MED13: variants seen among roughly 807,000 people sequenced by gnomAD.
MED13 encodes the protein mediator complex subunit 13, also known as mediator of RNA polymerase II transcription subunit 13.
MED13 carries 23 observed loss-of-function variants against 225.2 expected under a neutral mutation model. The ratio of observed to expected loss-of-function variants is 0.10; its 90% CI spans 0.07 to 0.14. MED13 has a LOEUF of 0.14. Ranked by LOEUF, MED13 falls within the 10% of genes least tolerant of loss-of-function variation. The pLI, the probability that MED13 is intolerant of heterozygous loss-of-function variation, is 1.00. For synonymous variants in MED13, 942 were observed against 889.2 expected (o/e 1.06, Z -1.06); for missense variants, 2,197 against 2,594.5 (o/e 0.85, Z 3.33).
intron 17 of MED13, among the ~76,000 whole-genome samples, chr17:61,970,349 T>C (rs1181162153): frequency 6.6e-6 from 1 of 152,034 alleles, no homozygotes; most frequent in Non-Finnish European, 1.5e-5. Context: ...AGGCAAGGCT[T>C]TGGGAAAACA....
In MED13 at chr17:61,943,648, G is replaced by T. The variant is rs1037977752; in HGVS notation, c.*2820C>A. The T allele has an allele frequency of 1.3e-5, 2 of 152,548 alleles. No individual in the cohort carries two copies. Among genetic ancestry groups the T allele is most frequent in the African/African-American group, 2.4e-5 (1 of 41,446 alleles). 9.4% of individuals were successfully genotyped at this position (152,548 alleles called of 1,614,324 possible). A position where few individuals can be genotyped will look rare whatever the true frequency, so the allele number is the denominator to read the frequency against. ...AGGATTACATATAAGTACACTTGGT[G>T]GCCTTCTGGCCAAACAATAAGGTGT... On this transcript the variant is annotated 3_prime_UTR_variant, in exon 30 of 30. Transcript: ENST00000397786.
chr17:62,043,184 AGAAAG>A (rs1567997804), intron 3 of MED13, among the ~76,000 whole-genome samples: 5 of 120,394 alleles, frequency 4.2e-5, no homozygotes, highest in African/African-American at 1.5e-4. Flanking sequence ...AAAAAAAAAA[AGAAAG>A]AAAGAAAGAA....
rs2080500746 is a variant in MED13, at chr17:62,010,824, T to C, written c.1693A>G (p.Thr565Ala). The C allele has an allele frequency of 6.2e-7, 1 of 1,614,240 alleles. No homozygotes were observed. Among genetic ancestry groups the C allele is most frequent in the South Asian group, 1.1e-5 (1 of 91,090 alleles). ...PQSQHFYQMPTPDPLVPSKPM... is the reference protein window; with the variant it reads ...PQSQHFYQMPAPDPLVPSKPM... The stretch of plus-strand genomic sequence containing the variant: ...TTAGAAGGAACCAAGGGATCTGGTG[T>C]TGGCATTTGATAAAAATGTTGACTC... Residue 565 changes from threonine (T) to alanine (A), a missense_variant, in exon 9 of 30, where the codon ACA becomes GCA. Physicochemically the swap from Thr to Ala is moderately conservative, Grantham distance 58. Around this residue, in one of 12 missense-constraint regions of MED13, gnomAD observed 884 missense variants for 918.5 expected, o/e 0.96. Transcript: ENST00000397786.
intron 2 of MED13, among the ~76,000 whole-genome samples, chr17:62,055,758 G>A (rs754549400): frequency 1.3e-5 from 2 of 151,934 alleles, no homozygotes; most frequent in African/African-American, 4.8e-5. Flanking sequence ...GGTGGCAGAG[G>A]CTGCAGTAAA....
At chr17:62,045,925 AAT>A (rs2080893600) in intron 3 of MED13, among the ~76,000 whole-genome samples, 1 of 152,174 alleles carries the variant, frequency 6.6e-6, no homozygotes, top group African/African-American at 2.4e-5. Flanking sequence ...ATTATCAGAA[AAT>A]GAGATTTTTT....
chr17:61,967,213 GC>G (rs1229292113), intron 18 of MED13, among the ~76,000 whole-genome samples: 2 of 152,074 alleles, frequency 1.3e-5, no homozygotes, highest in East Asian at 1.9e-4. Context: ...GAATTTCAAA[GC>G]CTTTAAAAAC....
At chr17:61,979,956 A>T (rs753167387) in intron 16 of MED13, among the ~76,000 whole-genome samples, 12 of 152,186 alleles carry the variant, frequency 7.9e-5, no homozygotes, top group Admixed American at 2.0e-4. Flanking sequence ...TGGGAGGCCG[A>T]GGCAGGTGGA....
chr17:61,993,850 G>C (rs1165080392), intron 10 of MED13, among the ~76,000 whole-genome samples: 1 of 151,768 alleles, frequency 6.6e-6, no homozygotes, highest in Non-Finnish European at 1.5e-5. Flanking sequence ...AGAATCACTT[G>C]AATCAGGGAG....
At position 62,011,385 on chromosome 17, in the gene MED13, T is replaced by A. The variant is rs2080507625; in HGVS notation, c.1284-152A>T. 11 of 737,908 alleles carry A rather than the reference T, an allele frequency of 1.5e-5. No homozygotes were observed. The East Asian group carries it at 3.0e-4, about 20-fold the overall frequency. 45.7% of individuals were successfully genotyped at this position (737,908 alleles called of 1,614,324 possible). On this transcript the variant is annotated intron_variant, in intron 8 of 29. Transcript: ENST00000397786. Reference sequence around the variant, plus strand: ...ATTTGAATTTGAAAGGGGAAAAAAATACTTTGCTCGTGACCTAAATAAAAT... The same window carrying A: ...ATTTGAATTTGAAAGGGGAAAAAAAAACTTTGCTCGTGACCTAAATAAAAT...
At chr17:62,049,078 C>CAAAA (rs890393330) in intron 3 of MED13, among the ~76,000 whole-genome samples, 483 of 45,284 alleles carry the variant, frequency 0.011, 4 homozygotes, top group Middle Eastern at 0.016. Flanking sequence ...GTAAATAAGA[C>CAAAA]AAAAAAAAAA....
chr17:62,029,362 A>G (rs755380750), intron 8 of MED13, 179 bp downstream of exon 8: 2 of 579,120 alleles, frequency 3.5e-6, no homozygotes, highest in Non-Finnish European at 6.1e-6. Context: ...CTGAAAGCTT[A>G]TATTTACATG....
intron 2 of MED13, among the ~76,000 whole-genome samples, chr17:62,054,453 T>C (rs1454810442): frequency 6.6e-6 from 1 of 152,224 alleles, no homozygotes; most frequent in African/African-American, 2.4e-5. Context: ...CATTCTATTA[T>C]ATCAAAGACA....
intron 11 of MED13, among the ~76,000 whole-genome samples, chr17:61,989,014 C>CTT (rs544084944): frequency 2.8e-5 from 4 of 141,660 alleles, no homozygotes; most frequent in Non-Finnish European, 4.6e-5. Flanking sequence ...ATGAATCCAG[C>CTT]TTTTTTTTTT....
intron 3 of MED13, among the ~76,000 whole-genome samples, chr17:62,043,156 C>CAAAAAAAAAAAAAAAAAAA (rs764530614): frequency 4.4e-4 from 14 of 31,670 alleles, no homozygotes; most frequent in East Asian, 2.0e-3. Context: ...ACCCTGTCTC[C>CAAAAAAAAAAAAAAAAAAA]AAAAAAAAAA....
intron 15 of MED13, 69 bp downstream of exon 15, chr17:61,984,102 G>A: frequency 8.5e-7 from 1 of 1,173,182 alleles, no homozygotes; most frequent in Non-Finnish European, 1.1e-6. Context: ...AGCATACCAG[G>A]TAAATCTATG....
intron 10 of MED13, among the ~76,000 whole-genome samples, chr17:61,993,948 CA>C (rs111448799): frequency 0.34 from 48,574 of 144,790 alleles, 13,382 homozygotes; most frequent in African/African-American, 0.76. Context: ...AACAAACAAA[CA>C]AAAAAAAAAA....
At chr17:61,961,150 TA>T (rs1387920617) in intron 22 of MED13, 60 bp from the exon 23 acceptor site, 48 of 1,309,392 alleles carry the variant, frequency 3.7e-5, no homozygotes, top group Non-Finnish European at 5.0e-5. Flanking sequence ...ATATTGCATT[TA>T]AAATGTAATT....
At chr17:61,974,923 C>A (rs1392737154) in intron 16 of MED13, among the ~76,000 whole-genome samples, 1 of 152,050 alleles carries the variant, frequency 6.6e-6, no homozygotes, top group Non-Finnish European at 1.5e-5. Flanking sequence ...AATTGGACTT[C>A]ATCAAAATTA....
chr17:62,052,068 T>C (rs2080961719), intron 3 of MED13, among the ~76,000 whole-genome samples: 1 of 152,152 alleles, frequency 6.6e-6, no homozygotes, highest in South Asian at 2.1e-4. Context: ...TGGTCTTATA[T>C]AGAAAACACA....
Sources: allele counts gnomAD v4.1 joint callset (sites outside exome capture counted in the v4.1 genomes callset), GRCh38; gene constraint gnomAD v4.1.1; regional missense constraint gnomAD v4.1.1; transcripts MANE v1.5; gene names NCBI Gene and HGNC (gene_info 2026-07-23, HGNC 2026-07-21).